The following CTTNBP2 variants were observed in gnomAD, a reference collection of about 807,000 sequenced individuals.
The protein encoded by CTTNBP2 is cortactin-binding protein 2.
CTTNBP2 carries 108 observed loss-of-function variants against 156.9 expected under a neutral mutation model. That is an observed-to-expected ratio of 0.69 (90% CI 0.59 to 0.81). The LOEUF (loss-of-function observed/expected upper bound fraction) is 0.81. Among genes scored for constraint, CTTNBP2 ranks in the 30% least tolerant of loss-of-function variants. The pLI is 0.00. For missense variants in CTTNBP2, 1,924 were observed against 2,035.4 expected, an observed-to-expected ratio of 0.95 and a Z score of 1.05; for synonymous variants, 767 against 751.8, an observed-to-expected ratio of 1.02 and a Z score of -0.33.
At chr7:117,866,509 A>G (rs1422488362) in intron 1 of CTTNBP2, among the ~76,000 whole-genome samples, 1 of 152,132 alleles carries the variant, frequency 6.6e-6, no homozygotes, top group Non-Finnish European at 1.5e-5. Flanking sequence ...CTCTCTTCCA[A>G]TTTAAAATCC....
intron 4 of CTTNBP2, chr7:117,786,345 T>G (rs1232650562): frequency 2.4e-6 from 1 of 420,356 alleles, no homozygotes; most frequent in Non-Finnish European, 4.8e-6. Context: ...TGATACTCAT[T>G]AGCTCTTCTT....
chr7:117,824,440 C>T (rs988208426), intron 2 of CTTNBP2, among the ~76,000 whole-genome samples: 1 of 152,108 alleles, frequency 6.6e-6, no homozygotes, highest in African/African-American at 2.4e-5. Flanking sequence ...TAATCCTTTC[C>T]ACTGGGTTCC....
Position 117,805,879 on chromosome 7 carries a change from A to G in CTTNBP2, c.414+4886T>C, listed in dbSNP as rs147684617. Among the ~76,000 whole-genome samples, 105 of 152,346 alleles carry G rather than the reference A, an allele frequency of 6.9e-4. No individual in the cohort carries two copies. In the Middle Eastern group the frequency reaches 0.031, roughly 44 times the overall value. On this transcript the variant is annotated intron_variant, in intron 3 of 22. Transcript: ENST00000160373. ...AAGAGAAAATATCTAAACTGTGTACAAGGAACCACACTAGAAACTACAAAG... is the reference window on the plus strand; with the variant it reads ...AAGAGAAAATATCTAAACTGTGTACGAGGAACCACACTAGAAACTACAAAG...
At chr7:117,863,806 C>A (rs1803930477) in intron 1 of CTTNBP2, among the ~76,000 whole-genome samples, 1 of 152,134 alleles carries the variant, frequency 6.6e-6, no homozygotes, top group South Asian at 2.1e-4. Context: ...TGGCCAGGAG[C>A]CTATTTCTTT....
chr7:117,835,008 T>C (rs1801838972), intron 2 of CTTNBP2, among the ~76,000 whole-genome samples: 1 of 152,210 alleles, frequency 6.6e-6, no homozygotes, highest in African/African-American at 2.4e-5. Context: ...AGTGTTCCAA[T>C]TTTCCTAAAC....
chr7:117,738,916 T>C (rs747711125), intron 14 of CTTNBP2, among the ~76,000 whole-genome samples: 1 of 152,170 alleles, frequency 6.6e-6, no homozygotes, highest in Non-Finnish European at 1.5e-5. Flanking sequence ...ACATCTCACA[T>C]TCAATGGACA....
At chr7:117,854,227 A>T (rs1803110817) in intron 2 of CTTNBP2, among the ~76,000 whole-genome samples, 1 of 152,262 alleles carries the variant, frequency 6.6e-6, no homozygotes, top group Non-Finnish European at 1.5e-5. Context: ...AGCTCTGCTC[A>T]GCAAATTAAT....
chr7:117,789,895 C>T (rs1208540214), intron 4 of CTTNBP2, among the ~76,000 whole-genome samples: 1 of 152,164 alleles, frequency 6.6e-6, no homozygotes, highest in East Asian at 1.9e-4. Flanking sequence ...CTTCCAATTC[C>T]CTATTTCGCC....
intron 5 of CTTNBP2, 103 bp from the exon 6 acceptor site, chr7:117,783,064 C>T (rs1447051911): frequency 8.2e-6 from 6 of 731,406 alleles, no homozygotes; most frequent in Non-Finnish European, 1.4e-5. Flanking sequence ...AGGGACTCTC[C>T]CCTGCACAGT....
rs1006201579 is a variant in CTTNBP2, at chr7:117,749,768, T to C, written c.3349-3669A>G. On this transcript the variant is annotated intron_variant, in intron 12 of 22. Coordinates refer to ENST00000160373, the MANE Select transcript of CTTNBP2 (RefSeq NM_033427.3). ...AAGGATGATAATATTTCCTACCTAA[T>C]TTCAGGTAGGCCTCACATAAATGGG... Among the ~76,000 whole-genome samples the C allele has an allele frequency of 3.2e-4, 49 of 152,102 alleles. 1 individual carries two copies. The highest frequency in any genetic ancestry group is 8.8e-5 in the Non-Finnish European group (6 of 68,004).
At chr7:117,852,252 T>G (rs567123885) in intron 2 of CTTNBP2, among the ~76,000 whole-genome samples, 14 of 151,650 alleles carry the variant, frequency 9.2e-5, no homozygotes, top group African/African-American at 3.1e-4. Context: ...AAATTTCTAT[T>G]TAAGGACTGA....
chr7:117,752,731 T>A (rs1796676292), intron 12 of CTTNBP2, among the ~76,000 whole-genome samples: 4 of 152,204 alleles, frequency 2.6e-5, no homozygotes, highest in Admixed American at 2.6e-4. Flanking sequence ...TATGATTACA[T>A]GCATGAGTAG....
intron 2 of CTTNBP2, among the ~76,000 whole-genome samples, chr7:117,851,949 T>G (rs1162337637): frequency 6.6e-6 from 1 of 152,212 alleles, no homozygotes; most frequent in African/African-American, 2.4e-5. Context: ...CTAAGTTAAC[T>G]TGACAGGATT....
At chr7:117,759,127 T>A (rs1797052366) in intron 10 of CTTNBP2, among the ~76,000 whole-genome samples, 1 of 152,126 alleles carries the variant, frequency 6.6e-6, no homozygotes, top group African/African-American at 2.4e-5. Flanking sequence ...ATTTTTTTTT[T>A]AAAGAGATGG....
At chr7:117,853,873 C>T (rs955141817) in intron 2 of CTTNBP2, among the ~76,000 whole-genome samples, 3 of 152,140 alleles carry the variant, frequency 2.0e-5, no homozygotes, top group Admixed American at 1.3e-4. Flanking sequence ...TGATCATAAA[C>T]ATTTTGCTTT....
chr7:117,758,526 G>C (rs188477174), intron 10 of CTTNBP2, among the ~76,000 whole-genome samples: 1 of 152,038 alleles, frequency 6.6e-6, no homozygotes, highest in African/African-American at 2.4e-5. Context: ...ATCTTCCCTA[G>C]GGGATGATTG....
chr7:117,756,505 C>T, intron 12 of CTTNBP2, 50 bp downstream of exon 12: 1 of 1,428,058 alleles, frequency 7.0e-7, no homozygotes, highest in Non-Finnish European at 9.9e-7. Flanking sequence ...CCCAATTTTC[C>T]AGTGGCAGGG....
Position 117,792,706 on chromosome 7 carries a change from G to T in CTTNBP2, c.490C>A (p.Arg164Ser). ...KKLAARLEEE[R>S]GKNKQVVLML... The stretch of plus-strand genomic sequence containing the variant: ...AGGACCACCTGCTTGTTCTTGCCAC[G>T]CTCTTCCTCAAGGCGGGCAGCCAGC... The change falls in exon 4 of 23, where the codon CGT becomes AGT. Residue 164 changes from arginine to serine, a missense_variant. Coordinates refer to ENST00000160373, the MANE Select transcript of CTTNBP2 (RefSeq NM_033427.3). This position sits in a 1 kb window ranked among gnomAD's most constrained non-coding sequence, Gnocchi z 4.2. 6.2e-7 allele frequency: 1 copy of T among 1,611,690 alleles called. No individual in the cohort carries two copies. The highest frequency in any genetic ancestry group is 1.3e-5 in the African/African-American group (1 of 74,946).
chr7:117,859,610 C>T (rs1282831279), intron 2 of CTTNBP2, among the ~76,000 whole-genome samples: 3 of 152,180 alleles, frequency 2.0e-5, no homozygotes, highest in African/African-American at 7.2e-5. Flanking sequence ...TGTCCTTGGG[C>T]TAAGGGTCAC....
Sources: allele counts gnomAD v4.1 joint callset (sites outside exome capture counted in the v4.1 genomes callset), GRCh38; gene constraint gnomAD v4.1.1; non-coding constraint Gnocchi (gnomAD v3.1); transcripts MANE v1.5; gene names NCBI Gene and HGNC (gene_info 2026-07-23, HGNC 2026-07-21).